ARHGAP40: variants seen among roughly 807,000 people sequenced by gnomAD.
ARHGAP40 encodes Rho GTPase activating protein 40.
Under a neutral mutation model 73.5 loss-of-function variants are expected in ARHGAP40, and 43 were observed. The ratio of observed to expected loss-of-function variants is 0.58; its 90% confidence interval spans 0.46 to 0.75. The LOEUF (loss-of-function observed/expected upper bound fraction) is 0.75, where lower values mean the gene tolerates loss of function less well. ARHGAP40 is among the 30% of genes least tolerant of loss of function. The probability of loss-of-function intolerance (pLI) is 0.00; values close to 1 mark genes in which losing one functional copy is unlikely to be tolerated. For synonymous variants in ARHGAP40, 300 were observed against 352.8 expected (o/e 0.85, Z 1.68); for missense variants, 734 against 861.8 (o/e 0.85, Z 1.86).
chr20:38,645,119 T>C (rs2089043167), intron 11 of ARHGAP40, among the ~76,000 whole-genome samples: 1 of 151,950 alleles, frequency 6.6e-6, no homozygotes, highest in Non-Finnish European at 1.5e-5. Context: ...TTTTTGCTTA[T>C]GCAGTTTACT....
chr20:38,648,357 G>A (rs998183303), intron 13 of ARHGAP40, among the ~76,000 whole-genome samples: 1 of 152,130 alleles, frequency 6.6e-6, no homozygotes, highest in East Asian at 1.9e-4. Flanking sequence ...CCTTGCCTTC[G>A]CAGTCTCCAT....
intron 1 of ARHGAP40, among the ~76,000 whole-genome samples, chr20:38,622,986 T>C (rs1000174143): frequency 3.3e-5 from 5 of 152,154 alleles, no homozygotes; most frequent in African/African-American, 1.2e-4. Context: ...GGAGACTTTC[T>C]GGGTAAAAAT....
intron 5 of ARHGAP40, among the ~76,000 whole-genome samples, chr20:38,631,970 A>AT (rs1300443082): frequency 1.3e-5 from 2 of 151,870 alleles, no homozygotes; most frequent in African/African-American, 4.8e-5. Context: ...TATTTATTTA[A>AT]TTTTTTCTTT....
intron 5 of ARHGAP40, among the ~76,000 whole-genome samples, chr20:38,634,094 G>C (rs1048373077): frequency 6.6e-6 from 1 of 152,172 alleles, no homozygotes. Context: ...GCTCATGCTT[G>C]TAATTCCAGC....
intron 2 of ARHGAP40, among the ~76,000 whole-genome samples, chr20:38,626,538 G>T (rs1323779609): frequency 6.6e-6 from 1 of 152,184 alleles, no homozygotes; most frequent in South Asian, 2.1e-4. Context: ...CACAGTAGAG[G>T]GGACAATTCC....
intron 1 of ARHGAP40, among the ~76,000 whole-genome samples, chr20:38,602,391 C>T (rs1485098147): frequency 2.8e-5 from 2 of 70,692 alleles, no homozygotes; most frequent in Non-Finnish European, 5.9e-5. Context: ...TGTGCCATTT[C>T]CTCTTCCTCT....
chr20:38,648,177 A>G (rs527468715), intron 13 of ARHGAP40, among the ~76,000 whole-genome samples: 1 of 152,378 alleles, frequency 6.6e-6, no homozygotes, highest in Non-Finnish European at 1.5e-5. Context: ...ACATGGCAGA[A>G]AAGAGGCCAT....
chr20:38,624,187 A>T (rs964555776), intron 2 of ARHGAP40, among the ~76,000 whole-genome samples: 2 of 152,146 alleles, frequency 1.3e-5, no homozygotes, highest in Admixed American at 6.5e-5. Flanking sequence ...TTTCTCATCT[A>T]TGTGCCTGGT....
intron 9 of ARHGAP40, 27 bp from the exon 10 acceptor site, chr20:38,641,699 G>A (rs2089019126): frequency 7.7e-7 from 1 of 1,291,256 alleles, no homozygotes; most frequent in South Asian, 1.3e-5. Flanking sequence ...GCCTCCCATG[G>A]AGACTGAGGT....
rs1233762086 is a variant in ARHGAP40, at chr20:38,637,806, C to T, written c.1041+7C>T. 2.3e-6 allele frequency: 3 copies of T among 1,304,428 alleles called. No homozygotes were observed. The highest frequency in any genetic ancestry group is 2.1e-4 in the Middle Eastern group (1 of 4,698). The allele number at this position is 1,304,428 out of a possible 1,614,324, so 80.8% of individuals were successfully genotyped here. ...CCCGCTGGTCCTTCAAGCCGTAAGT[C>T]GCCCCTACCCCAGCTTGGGTTTATT... On this transcript the variant is annotated splice_region_variant and intron_variant, in intron 7 of 14. Transcript: ENST00000373345.
chr20:38,611,161 A>T (rs889115896), intron 1 of ARHGAP40, among the ~76,000 whole-genome samples: 11 of 152,176 alleles, frequency 7.2e-5, no homozygotes, highest in African/African-American at 2.7e-4. Flanking sequence ...AAGTGGAGGC[A>T]AGGCGTGAGC....
intron 1 of ARHGAP40, among the ~76,000 whole-genome samples, chr20:38,610,273 G>A (rs931807305): frequency 2.0e-5 from 3 of 151,872 alleles, no homozygotes; most frequent in African/African-American, 7.3e-5. Context: ...AACCAGCTAG[G>A]AAGATGTTAT....
At chr20:38,609,879 C>A (rs917935148) in intron 1 of ARHGAP40, among the ~76,000 whole-genome samples, 1 of 152,246 alleles carries the variant, frequency 6.6e-6, no homozygotes, top group Non-Finnish European at 1.5e-5. Context: ...ACCCCAGGGC[C>A]AGGAGACCTG....
chr20:38,634,550 G>T, intron 5 of ARHGAP40, 70 bp from the exon 6 acceptor site: 2 of 1,269,980 alleles, frequency 1.6e-6, no homozygotes, highest in Non-Finnish European at 1.0e-6. Flanking sequence ...CTGGGGAGAA[G>T]GGGGAGCCCC....
chr20:38,606,061 A>G (rs1333896950), intron 1 of ARHGAP40, among the ~76,000 whole-genome samples: 4 of 151,936 alleles, frequency 2.6e-5, no homozygotes. Flanking sequence ...GGGTCTCCCT[A>G]TGTTGCTCAG....
At chr20:38,635,966 C>A (rs548853652) in intron 6 of ARHGAP40, among the ~76,000 whole-genome samples, 1 of 151,988 alleles carries the variant, frequency 6.6e-6, no homozygotes, top group South Asian at 2.1e-4. Flanking sequence ...GTCTCTCATC[C>A]TCCTGGGACC....
chr20:38,610,462 C>T (rs770367960), intron 1 of ARHGAP40, among the ~76,000 whole-genome samples: 2 of 152,132 alleles, frequency 1.3e-5, no homozygotes, highest in Non-Finnish European at 2.9e-5. Context: ...GAGACCCTGG[C>T]CTGGGGAACA....
intron 1 of ARHGAP40, among the ~76,000 whole-genome samples, chr20:38,603,260 G>C (rs1182658321): frequency 1.3e-5 from 2 of 152,222 alleles, no homozygotes; most frequent in Admixed American, 1.3e-4. Context: ...AAAGGGAGGG[G>C]GAGCTTAGTG....
chr20:38,637,718 C>T, exon 7 of ARHGAP40: 1 of 1,305,328 alleles, frequency 7.7e-7, no homozygotes, highest in Non-Finnish European at 1.0e-6. Flanking sequence ...AAACTCGCCT[C>T]TTTGGTGTGC....
Sources: allele counts gnomAD v4.1 joint callset (sites outside exome capture counted in the v4.1 genomes callset), GRCh38; gene constraint gnomAD v4.1.1; transcripts MANE v1.5; gene names NCBI Gene and HGNC (gene_info 2026-07-23, HGNC 2026-07-21).